UGT1A6: variants seen among roughly 807,000 people sequenced by gnomAD.
The protein encoded by UGT1A6 is UDP-glucuronosyltransferase 1A6.
Under a neutral mutation model 44.4 loss-of-function variants are expected in UGT1A6, and 32 were observed. That is an observed-to-expected ratio of 0.72 (90% CI 0.54 to 0.97). UGT1A6 has a LOEUF of 0.97. Ranked by LOEUF, UGT1A6 falls within the 50% of genes least tolerant of loss-of-function variation. UGT1A6 has a pLI of 0.00. For missense variants in UGT1A6, 685 were observed against 661.9 expected, an observed-to-expected ratio of 1.03 and a Z score of -0.38; for synonymous variants, 238 against 248.5, an observed-to-expected ratio of 0.96 and a Z score of 0.40.
intron 3 of UGT1A6, 40 bp from the exon 4 acceptor site, chr2:233,768,180 G>C: frequency 6.2e-7 from 1 of 1,613,956 alleles, no homozygotes; most frequent in Admixed American, 1.7e-5. Context: ...GTGAAACTCA[G>C]AGATGTAACT....
intron 1 of UGT1A6, chr2:233,743,606 A>C (rs1409222712): frequency 7.3e-7 from 1 of 1,367,154 alleles, no homozygotes; most frequent in African/African-American, 1.5e-5. Context: ...CTGGCCGCCG[A>C]AGAACTCCCT....
chr2:233,718,933 G>C, intron 1 of UGT1A6: 1 of 1,614,132 alleles, frequency 6.2e-7, no homozygotes, highest in Non-Finnish European at 8.5e-7. Context: ...CCCACTGATG[G>C]CAGCCCCTGG....
At chr2:233,732,348 G>A (rs2078262793) in intron 1 of UGT1A6, among the ~76,000 whole-genome samples, 1 of 152,214 alleles carries the variant, frequency 6.6e-6, no homozygotes, top group Non-Finnish European at 1.5e-5. Context: ...TGGTGTTTTA[G>A]TCATGAAGTC....
chr2:233,719,837 G>A, intron 1 of UGT1A6: 1 of 1,534,622 alleles, frequency 6.5e-7, no homozygotes, highest in South Asian at 1.2e-5. Flanking sequence ...GGGGCCTAGT[G>A]TATTTCAAGT....
chr2:233,691,775 C>A, upstream of UGT1A6: 1 of 320,452 alleles, frequency 3.1e-6, no homozygotes, highest in Non-Finnish European at 4.5e-6. Context: ...GGATTCTCAC[C>A]ACGTACTGGC....
chr2:233,725,057 C>T (rs1209231794), intron 1 of UGT1A6, among the ~76,000 whole-genome samples: 5 of 147,514 alleles, frequency 3.4e-5, no homozygotes, highest in East Asian at 4.2e-4. Flanking sequence ...CGTGGCGGCG[C>T]GCGCCTGCAA....
At chr2:233,724,529 G>C (rs1336753054) in intron 1 of UGT1A6, among the ~76,000 whole-genome samples, 1 of 116,504 alleles carries the variant, frequency 8.6e-6, no homozygotes, top group East Asian at 2.7e-4. Flanking sequence ...ATGGGGTCTC[G>C]CCGGGCAGAG....
chr2:233,746,806 G>C (rs1247555019), intron 1 of UGT1A6, among the ~76,000 whole-genome samples: 1 of 151,794 alleles, frequency 6.6e-6, no homozygotes, highest in African/African-American at 2.4e-5. Flanking sequence ...GCGTGAATGT[G>C]GATTGCCTAC....
At position 233,773,024 on chromosome 2, in the gene UGT1A6, G is replaced by A. The variant is rs1575873040; in HGVS notation, c.*465G>A. 2 of 199,282 alleles carry A rather than the reference G, an allele frequency of 1.0e-5. No homozygotes were observed. The highest frequency in any genetic ancestry group is 5.3e-5 in the Admixed American group (1 of 18,910). The allele number at this position is 199,282 out of a possible 1,614,324, so 12.3% of individuals were successfully genotyped here. On this transcript the variant is annotated 3_prime_UTR_variant, in exon 5 of 5. Coordinates refer to ENST00000305139, the MANE Select transcript of UGT1A6 (RefSeq NM_001072.4). ...GTGCTTCATAGGTGCCACCTTGTGT[G>A]TTTAAAGAAGGGAAGCTTTGTACCT... is the stretch of plus-strand genomic sequence containing the variant.
chr2:233,701,815 T>A (rs569445521), intron 1 of UGT1A6, among the ~76,000 whole-genome samples: 1 of 152,092 alleles, frequency 6.6e-6, no homozygotes, highest in African/African-American at 2.4e-5. Context: ...AGACACAACA[T>A]ACCAGAATCT....
In UGT1A6 at chr2:233,746,936, G is replaced by T. The variant is rs185798867; in HGVS notation, c.862-20098G>T. 1.2e-3 allele frequency among the ~76,000 whole-genome samples: 184 copies of T among 151,904 alleles called. 4 individuals carry two copies. Among genetic ancestry groups the T allele is most frequent in the African/African-American group, 4.2e-3 (172 of 41,190 alleles). ...TTCCACAGGCCTTTGTTGGGAATTGGATGAGAAACAAGAGCTTGAACTTGG... is the reference window on the plus strand; with the variant it reads ...TTCCACAGGCCTTTGTTGGGAATTGTATGAGAAACAAGAGCTTGAACTTGG... On this transcript the variant is annotated intron_variant, in intron 1 of 4. Transcript: ENST00000305139.
At chr2:233,768,984 TC>T (rs551747473) in intron 4 of UGT1A6, among the ~76,000 whole-genome samples, 141 of 152,252 alleles carry the variant, frequency 9.3e-4, no homozygotes, top group African/African-American at 3.3e-3. Context: ...GAATTTTATT[TC>T]CCCCATTAGA....
Position 233,693,277 on chromosome 2 carries a change from C to T in UGT1A6, c.273C>T (p.Tyr91=). 1 of 1,614,128 alleles carries T rather than the reference C, an allele frequency of 6.2e-7. No individual in the cohort carries two copies. Among genetic ancestry groups the T allele is most frequent in the Non-Finnish European group, 8.5e-7 (1 of 1,180,002 alleles). Residue 91 remains tyrosine (Y), a synonymous_variant, in exon 1 of 5, where the codon TAC becomes TAT. Coordinates refer to ENST00000305139, the MANE Select transcript of UGT1A6 (RefSeq NM_001072.4). The part of the protein sequence containing the change: ...PYDQEELKNR[Y]QSFGNNHFAE... ...ACCAAGAAGAGCTGAAGAACCGTTA[C>T]CAATCATTTGGAAACAATCACTTTG...
At chr2:233,741,094 A>G (rs1452297102) in intron 1 of UGT1A6, among the ~76,000 whole-genome samples, 2 of 151,824 alleles carry the variant, frequency 1.3e-5, no homozygotes, top group Non-Finnish European at 2.9e-5. Flanking sequence ...CAAACAAGCA[A>G]ACAGACAATC....
At chr2:233,695,125 CTTTTCT>C (rs2075261912) in intron 1 of UGT1A6, among the ~76,000 whole-genome samples, 1 of 113,944 alleles carries the variant, frequency 8.8e-6, no homozygotes, top group East Asian at 2.1e-4. Flanking sequence ...CAACCCTTTT[CTTTTCT>C]TTTTTTTTTT....
intron 1 of UGT1A6, among the ~76,000 whole-genome samples, chr2:233,727,721 C>A (rs2077642533): frequency 6.6e-6 from 1 of 152,216 alleles, no homozygotes; most frequent in Non-Finnish European, 1.5e-5. Context: ...CCTTGCAGAC[C>A]TTCCTTTTCT....
intron 1 of UGT1A6, among the ~76,000 whole-genome samples, chr2:233,731,608 A>C (rs2078181634): frequency 6.6e-6 from 1 of 152,230 alleles, no homozygotes. Context: ...TGCAAAGGAC[A>C]TGAACTCATC....
At chr2:233,767,191 C>T (rs1476411384) in intron 2 of UGT1A6, 26 bp downstream of exon 2, 2 of 1,613,814 alleles carry the variant, frequency 1.2e-6, no homozygotes, top group Non-Finnish European at 1.7e-6. Context: ...ACCATGGCCT[C>T]ATATCTATTT....
At chr2:233,771,266 TTTTC>T (rs1700270540) in intron 4 of UGT1A6, 1 of 152,178 alleles carries the variant, frequency 6.6e-6, no homozygotes, top group Non-Finnish European at 1.5e-5. Context: ...GTGCCTTTTT[TTTTC>T]TTTCTTCTCC....
Sources: gnomAD v4.1 joint callset for allele counts (sites outside exome capture counted in the v4.1 genomes callset) on GRCh38, gnomAD v4.1.1 for gene constraint, MANE v1.5 for transcripts, NCBI Gene and HGNC (gene_info 2026-07-23, HGNC 2026-07-21) for gene names.